Variants in WWOX observed in about 807,000 individuals in gnomAD.
WWOX encodes WW domain containing oxidoreductase.
WWOX carries 69 observed loss-of-function variants against 46.2 expected under a neutral mutation model. That is an observed-to-expected ratio of 1.49 (90% CI 1.23 to 1.82). The LOEUF (loss-of-function observed/expected upper bound fraction) is 1.82, where lower values mean the gene tolerates loss of function less well. WWOX is among the 40% of genes most tolerant of loss of function. The pLI is 0.00. For missense variants in WWOX, 919 were observed against 542.6 expected (o/e 1.69, Z -6.89); for synonymous variants, 359 against 202.6 (o/e 1.77, Z -6.56).
intron 5 of WWOX, among the ~76,000 whole-genome samples, chr16:78,346,429 C>A (rs1567514969): frequency 8.5e-6 from 1 of 117,132 alleles, no homozygotes; most frequent in East Asian, 1.9e-4. Context: ...GTGGAATGGG[C>A]AGGGTGGTCC....
rs1054368591 is a variant in WWOX at position 78,163,905 on chromosome 16, G to A, written c.410-278G>A. On this transcript the variant is annotated intron_variant, in intron 4 of 8. Coordinates refer to ENST00000566780, the MANE Select transcript of WWOX (RefSeq NM_016373.4). ...TTTTCTCACCATCACAGTGTTGACA[G>A]TCCGGGCCAGATGGTTCTATGTTGT... 2.0e-5 allele frequency among the ~76,000 whole-genome samples: 3 copies of A among 152,162 alleles called. No individual in the cohort carries two copies. The South Asian group carries it at 6.2e-4, about 32-fold the overall frequency.
chr16:78,178,442 A>G (rs1597314728), intron 5 of WWOX, among the ~76,000 whole-genome samples: 3 of 152,214 alleles, frequency 2.0e-5, no homozygotes, highest in Admixed American at 6.5e-5. Context: ...CTTTCATCTG[A>G]TTTCCTCCAC....
In WWOX at chr16:79,103,278, T is replaced by A. The variant is rs150889155; in HGVS notation, c.1057-108330T>A. ...TTCTGAAGAGGCATCTATTAATTTA[T>A]GTATTTAATTTCTGTATGAAGTGAC... is the stretch of plus-strand genomic sequence containing the variant. On this transcript the variant is annotated intron_variant, in intron 8 of 8. Transcript: ENST00000566780. Among the ~76,000 whole-genome samples, 4 of 152,364 alleles carry A rather than the reference T, an allele frequency of 2.6e-5. No individual in the cohort carries two copies. In the East Asian group the frequency reaches 7.7e-4, roughly 29 times the overall value.
At chr16:78,420,169 A>T (rs1183944849) in intron 6 of WWOX, among the ~76,000 whole-genome samples, 1 of 152,164 alleles carries the variant, frequency 6.6e-6, no homozygotes, top group African/African-American at 2.4e-5. Flanking sequence ...TCCTGGCGGA[A>T]ATGTAAAATT....
chr16:78,258,250 GTTTA>G (rs1456012178), intron 5 of WWOX, among the ~76,000 whole-genome samples: 3 of 152,094 alleles, frequency 2.0e-5, no homozygotes, highest in Admixed American at 1.3e-4. Flanking sequence ...AAATTCCACT[GTTTA>G]TTTAACGTAC....
rs189393877 is a variant in WWOX at position 78,824,004 on chromosome 16, C to T, written c.1057-387604C>T. On this transcript the variant is annotated intron_variant, in intron 8 of 8. Coordinates refer to ENST00000566780, the MANE Select transcript of WWOX (RefSeq NM_016373.4). ...GCCCAGCCTGGTCTCAAACTTCTGG[C>T]CTCAAAGCAATCCTCCTGCCTTGAT... Among the ~76,000 whole-genome samples, 386 of 152,092 alleles carry T rather than the reference C, an allele frequency of 2.5e-3. 4 individuals carry two copies. Among genetic ancestry groups the T allele is most frequent in the African/African-American group, 9.0e-3 (373 of 41,490 alleles).
intron 8 of WWOX, among the ~76,000 whole-genome samples, chr16:78,534,831 A>T (rs1307101962): frequency 6.6e-6 from 1 of 151,720 alleles, no homozygotes. Flanking sequence ...TGCCCTGATC[A>T]GCTTCCTGAG....
At chr16:79,209,928 C>G (rs1186492215) in intron 8 of WWOX, among the ~76,000 whole-genome samples, 1 of 152,136 alleles carries the variant, frequency 6.6e-6, no homozygotes, top group Non-Finnish European at 1.5e-5. Context: ...CCACACAAAT[C>G]AATGGGAAAA....
chr16:78,155,423 A>T (rs2034565007), intron 4 of WWOX, among the ~76,000 whole-genome samples: 1 of 152,152 alleles, frequency 6.6e-6, no homozygotes, highest in South Asian at 2.1e-4. Context: ...TATTTAAATT[A>T]CTTTGCACCT....
intron 8 of WWOX, among the ~76,000 whole-genome samples, chr16:78,805,908 A>T (rs2051021748): frequency 6.6e-6 from 1 of 152,186 alleles, no homozygotes; most frequent in African/African-American, 2.4e-5. Flanking sequence ...CATGCCAGGA[A>T]CATTTTTCTC....
chr16:78,420,824 A>C (rs1437634429), intron 6 of WWOX, among the ~76,000 whole-genome samples: 2 of 152,286 alleles, frequency 1.3e-5, no homozygotes, highest in Admixed American at 1.3e-4. Flanking sequence ...CTTATTGTAG[A>C]AAAGTTGGAA....
chr16:78,481,724 AGTGTGTGTGTGTGTGT>A (rs67780639), intron 8 of WWOX, among the ~76,000 whole-genome samples: 2,279 of 137,036 alleles, frequency 0.017, 62 homozygotes, highest in African/African-American at 0.058. Context: ...GGGCAAGGGA[AGTGTGTGTGTGTGTGT>A]GTGTGTGTGT....
intron 8 of WWOX, among the ~76,000 whole-genome samples, chr16:78,667,253 T>G (rs1484279616): frequency 6.6e-6 from 1 of 152,226 alleles, no homozygotes; most frequent in Non-Finnish European, 1.5e-5. Flanking sequence ...GCAGACTATC[T>G]TTCTAGAAGC....
intron 4 of WWOX, among the ~76,000 whole-genome samples, chr16:78,129,546 G>A (rs2033506151): frequency 6.6e-6 from 1 of 152,058 alleles, no homozygotes; most frequent in Admixed American, 6.6e-5. Context: ...TAAGGGAGGT[G>A]GACATTTTTG....
At chr16:78,229,112 G>C (rs1428557433) in intron 5 of WWOX, among the ~76,000 whole-genome samples, 1 of 152,060 alleles carries the variant, frequency 6.6e-6, no homozygotes, top group Non-Finnish European at 1.5e-5. Context: ...TCCAGCATGT[G>C]ATCATACATC....
chr16:78,999,913 T>C (rs951787858), intron 8 of WWOX, among the ~76,000 whole-genome samples: 13 of 152,196 alleles, frequency 8.5e-5, no homozygotes, highest in Non-Finnish European at 1.9e-4. Flanking sequence ...AAATGAAAAT[T>C]CTACGTCATG....
At position 78,900,096 on chromosome 16, in the gene WWOX, C is replaced by G. The variant is rs567964472; in HGVS notation, c.1057-311512C>G. On this transcript the variant is annotated intron_variant, in intron 8 of 8. Coordinates refer to ENST00000566780, the MANE Select transcript of WWOX (RefSeq NM_016373.4). Reference sequence around the variant, plus strand: ...TTTTTTTTTCCTGCAGAGAGCGTTGCTGCTCCTTCTCTATTTTATTTCTTT... The same window carrying G: ...TTTTTTTTTCCTGCAGAGAGCGTTGGTGCTCCTTCTCTATTTTATTTCTTT... Among the ~76,000 whole-genome samples the G allele has an allele frequency of 1.3e-4, 16 of 127,604 alleles. No individual in the cohort carries two copies. In the South Asian group the frequency reaches 3.5e-3, roughly 28 times the overall value. The allele number at this position is 127,604 out of a possible 152,430, so 83.7% of individuals were successfully genotyped here.
intron 8 of WWOX, among the ~76,000 whole-genome samples, chr16:78,433,777 C>CTTTTTTT (rs547236644): frequency 4.7e-5 from 4 of 84,374 alleles, no homozygotes; most frequent in East Asian, 4.3e-4. Context: ...TTGGGGATGA[C>CTTTTTTT]TTTTTTTTTT....
chr16:78,587,000 A>G (rs966137935), intron 8 of WWOX, among the ~76,000 whole-genome samples: 4 of 152,216 alleles, frequency 2.6e-5, no homozygotes, highest in African/African-American at 9.6e-5. Context: ...TTCATGAGGC[A>G]ATCTATTTGA....
Sources: gnomAD v4.1 joint callset for allele counts (sites outside exome capture counted in the v4.1 genomes callset) on GRCh38, gnomAD v4.1.1 for gene constraint, MANE v1.5 for transcripts, NCBI Gene and HGNC (gene_info 2026-07-23, HGNC 2026-07-21) for gene names.